The following NR5A2 variants were observed in gnomAD, a reference collection of about 807,000 sequenced individuals.
NR5A2 encodes the protein CYP7A promoter-binding factor.
In NR5A2, 26 loss-of-function variants were observed where a neutral mutation model predicts 62.7. That is an observed-to-expected ratio of 0.41 (90% CI 0.30 to 0.58). The LOEUF (loss-of-function observed/expected upper bound fraction) is 0.58. Ranked by LOEUF, NR5A2 falls within the 20% of genes least tolerant of loss-of-function variation. The pLI is 0.22. For synonymous variants in NR5A2, 246 were observed against 241.7 expected (o/e 1.02, Z -0.16); for missense variants, 541 against 669.1 (o/e 0.81, Z 2.11).
chr1:200,086,104 T>G (rs1297086921), intron 5 of NR5A2, among the ~76,000 whole-genome samples: 1 of 152,170 alleles, frequency 6.6e-6, no homozygotes, highest in East Asian at 1.9e-4. Flanking sequence ...AACTACGTGA[T>G]AAAAGATGCT....
At position 200,027,766 on chromosome 1, in the gene NR5A2, C is replaced by G. The variant is rs773794934; in HGVS notation, c.-82C>G. Reference sequence around the variant, plus strand: ...TAGTCTGATGTGTCCTTCCCAAGGCCACGAAATTTGACAAGCTGCACTTTT... The same window carrying G: ...TAGTCTGATGTGTCCTTCCCAAGGCGACGAAATTTGACAAGCTGCACTTTT... On this transcript the variant is annotated 5_prime_UTR_variant, in exon 1 of 8. Transcript: ENST00000367362. The G allele has an allele frequency of 3.4e-5, 34 of 998,790 alleles. No individual in the cohort carries two copies. Among genetic ancestry groups the G allele is most frequent in the Non-Finnish European group, 5.0e-5 (33 of 656,410 alleles). 61.9% of individuals were successfully genotyped at this position (998,790 alleles called of 1,614,324 possible). A position where few individuals can be genotyped will look rare whatever the true frequency, so the allele number is the denominator to read the frequency against.
At chr1:200,115,353 C>T (rs1218217272) in intron 6 of NR5A2, among the ~76,000 whole-genome samples, 1 of 152,040 alleles carries the variant, frequency 6.6e-6, no homozygotes, top group Non-Finnish European at 1.5e-5. Context: ...GACCTGCTAT[C>T]ATGGATTTGT....
At chr1:200,118,152 G>A (rs1666327675) in intron 6 of NR5A2, among the ~76,000 whole-genome samples, 1 of 150,098 alleles carries the variant, frequency 6.7e-6, no homozygotes, top group African/African-American at 2.5e-5. Context: ...GAGTAGCTGG[G>A]ATTACAGGCA....
chr1:200,132,687 A>C (rs966153776), intron 7 of NR5A2, among the ~76,000 whole-genome samples: 1 of 152,226 alleles, frequency 6.6e-6, no homozygotes, highest in Admixed American at 6.5e-5. Context: ...ATAACCAGCA[A>C]GAAAAATCAA....
intron 5 of NR5A2, among the ~76,000 whole-genome samples, chr1:200,094,168 CA>C (rs1345244253): frequency 1.5e-4 from 21 of 136,406 alleles, no homozygotes; most frequent in East Asian, 9.4e-4. Context: ...GACGCTGTCT[CA>C]AAAAAAAAAT....
intron 5 of NR5A2, among the ~76,000 whole-genome samples, chr1:200,109,047 G>A (rs1665821437): frequency 6.6e-6 from 1 of 152,194 alleles, no homozygotes; most frequent in Non-Finnish European, 1.5e-5. Context: ...CTGTTTGGGT[G>A]AACATTCTCC....
At chr1:200,057,627 C>T (rs1662977356) in intron 5 of NR5A2, 3 of 355,862 alleles carry the variant, frequency 8.4e-6, no homozygotes, top group South Asian at 2.1e-5. Flanking sequence ...TACAGGCGTG[C>T]ACCACAACAC....
rs1654341233 is a variant in NR5A2 at position 200,174,694 on chromosome 1, C to T, written c.*484C>T. On this transcript the variant is annotated 3_prime_UTR_variant, in exon 8 of 8. Coordinates refer to ENST00000367362, the MANE Select transcript of NR5A2 (RefSeq NM_205860.3). ...GCATCAGCTGTACCTACAATAGCCC[C>T]TCCCTCTTCCTTTGAAGGCCCCAGC... The T allele has an allele frequency of 6.5e-6, 1 of 152,798 alleles. No individual in the cohort carries two copies. The highest frequency in any genetic ancestry group is 1.5e-5 in the Non-Finnish European group (1 of 68,234). 9.5% of individuals were successfully genotyped at this position (152,798 alleles called of 1,614,324 possible). A position where few individuals can be genotyped will look rare whatever the true frequency, so the allele number is the denominator to read the frequency against.
intron 5 of NR5A2, among the ~76,000 whole-genome samples, chr1:200,092,873 C>CTT (rs869028679): frequency 0.015 from 984 of 64,270 alleles, 224 homozygotes; most frequent in East Asian, 0.079. Context: ...AAAGACAGGT[C>CTT]TTTTTTTTTT....
At chr1:200,033,702 A>C (rs571483159) in intron 1 of NR5A2, among the ~76,000 whole-genome samples, 2 of 152,318 alleles carry the variant, frequency 1.3e-5, no homozygotes, top group East Asian at 3.9e-4. Flanking sequence ...CACACTGTAC[A>C]CCATCTCGTA....
intron 5 of NR5A2, among the ~76,000 whole-genome samples, chr1:200,107,257 T>A (rs1665725640): frequency 6.6e-6 from 1 of 151,324 alleles, no homozygotes; most frequent in African/African-American, 2.4e-5. Context: ...GAAGTGAAAG[T>A]AATTCAGTCA....
In NR5A2 at chr1:200,048,533, C is replaced by A; in HGVS notation, c.825C>A (p.Asp275Glu). Reference protein sequence around the residue: ...PSRAIKSEYPDPYTSSPESIM... With the variant: ...PSRAIKSEYPEPYTSSPESIM... ...GGGCCATCAAGTCTGAGTACCCAGACCCCTATACCAGCTCACCCGAGTCCA... is the reference window on the plus strand; with the variant it reads ...GGGCCATCAAGTCTGAGTACCCAGAACCCTATACCAGCTCACCCGAGTCCA... The change falls in exon 5 of 8, where the codon GAC (aspartate) becomes GAA (glutamate). Residue 275 changes from aspartate to glutamate, a missense_variant. By Grantham distance (45) the Asp-to-Glu change is conservative. Coordinates refer to ENST00000367362, the MANE Select transcript of NR5A2 (RefSeq NM_205860.3). This position sits in a 1 kb window ranked among gnomAD's most constrained non-coding sequence, Gnocchi z 4.8. 2 of 1,614,144 alleles carry A rather than the reference C, an allele frequency of 1.2e-6. No individual in the cohort carries two copies. Among genetic ancestry groups the A allele is most frequent in the South Asian group, 1.1e-5 (1 of 91,078 alleles).
At chr1:200,102,550 C>A (rs530394302) in intron 5 of NR5A2, among the ~76,000 whole-genome samples, 1 of 152,114 alleles carries the variant, frequency 6.6e-6, no homozygotes, top group Non-Finnish European at 1.5e-5. Flanking sequence ...TGGGCAGGAC[C>A]GAGGAGGCCC....
At chr1:200,118,081 A>G (rs1379980106) in intron 6 of NR5A2, among the ~76,000 whole-genome samples, 1 of 142,504 alleles carries the variant, frequency 7.0e-6, no homozygotes, top group African/African-American at 2.6e-5. Flanking sequence ...CAGTGGTGCA[A>G]TCTCAGTTCA....
chr1:200,125,252 T>G (rs1666654019), intron 7 of NR5A2, among the ~76,000 whole-genome samples: 1 of 152,258 alleles, frequency 6.6e-6, no homozygotes, highest in Admixed American at 6.5e-5. Flanking sequence ...TTTCAGCCCA[T>G]GTTAAGTAAT....
In NR5A2 at chr1:200,098,722, G is replaced by A. The variant is rs188664653; in HGVS notation, c.1111-12480G>A. 5.9e-5 allele frequency among the ~76,000 whole-genome samples: 9 copies of A among 152,312 alleles called. No homozygotes were observed. In the East Asian group the frequency reaches 1.5e-3, roughly 26 times the overall value. ...AATATTAATTAAGCACCTGCGGTGA[G>A]CCTAGTACCAGGGTGTGATTCAGCA... On this transcript the variant is annotated intron_variant, in intron 5 of 7. Transcript: ENST00000367362.
intron 7 of NR5A2, among the ~76,000 whole-genome samples, chr1:200,123,962 T>G (rs1248752965): frequency 6.6e-6 from 1 of 151,662 alleles, no homozygotes; most frequent in Non-Finnish European, 1.5e-5. Context: ...CCACCACACC[T>G]GGCTAATTTT....
At chr1:200,084,711 G>T (rs1664446878) in intron 5 of NR5A2, among the ~76,000 whole-genome samples, 1 of 152,134 alleles carries the variant, frequency 6.6e-6, no homozygotes, top group Non-Finnish European at 1.5e-5. Flanking sequence ...CATTAAAAAT[G>T]CATTAATCCC....
At chr1:200,110,025 A>G (rs1665868012) in intron 5 of NR5A2, among the ~76,000 whole-genome samples, 1 of 152,194 alleles carries the variant, frequency 6.6e-6, no homozygotes, top group Non-Finnish European at 1.5e-5. Context: ...TCAGCCTCCC[A>G]AAGTGCTAGG....
Sources: allele counts gnomAD v4.1 joint callset (sites outside exome capture counted in the v4.1 genomes callset), GRCh38; gene constraint gnomAD v4.1.1; non-coding constraint Gnocchi (gnomAD v3.1); transcripts MANE v1.5; gene names NCBI Gene and HGNC (gene_info 2026-07-23, HGNC 2026-07-21).